The following TENM4 variants were observed in gnomAD, a reference collection of about 807,000 sequenced individuals.
TENM4 encodes the protein teneurin-4.
A neutral mutation model predicts 243.3 loss-of-function variants in TENM4; 82 were observed. The observed-to-expected ratio is 0.34, with a 90% CI of 0.28 to 0.40. TENM4 has a LOEUF of 0.40. Among genes scored for constraint, TENM4 ranks in the 10% least tolerant of loss-of-function variants. The pLI, the probability that TENM4 is intolerant of heterozygous loss-of-function variation, is 1.00. For missense variants in TENM4, 3,138 were observed against 3,673.3 expected (o/e 0.85, Z 3.77); for synonymous variants, 1,412 against 1,456.3 (o/e 0.97, Z 0.69).
Position 79,410,286 on chromosome 11 carries a change from T to C in TENM4, c.-321+30223A>G, listed in dbSNP as rs143523940. Among the ~76,000 whole-genome samples the C allele has an allele frequency of 8.9e-3, 1,354 of 152,288 alleles. 12 individuals carry two copies. Among genetic ancestry groups the C allele is most frequent in the Non-Finnish European group, 0.016 (1,074 of 68,022 alleles). ...TCAGGGCTTTAGGAAGAACCCAAACTAAGACAATATCTAAGGTCCCCAGCA... is the reference window on the plus strand; with the variant it reads ...TCAGGGCTTTAGGAAGAACCCAAACCAAGACAATATCTAAGGTCCCCAGCA... On this transcript the variant is annotated intron_variant, in intron 1 of 33. Transcript: ENST00000278550.
At chr11:78,927,454 A>T (rs979866910) in intron 6 of TENM4, among the ~76,000 whole-genome samples, 1 of 152,252 alleles carries the variant, frequency 6.6e-6, no homozygotes, top group African/African-American at 2.4e-5. Flanking sequence ...TTGCTAAGGG[A>T]TGTAAATGAG....
At chr11:78,664,543 G>A (rs1858104518) in intron 32 of TENM4, among the ~76,000 whole-genome samples, 2 of 152,156 alleles carry the variant, frequency 1.3e-5, no homozygotes, top group Admixed American at 6.5e-5. Flanking sequence ...GTGTTTTGAA[G>A]AATGCAGCTC....
At chr11:78,991,386 G>A (rs1858042002) in intron 6 of TENM4, among the ~76,000 whole-genome samples, 1 of 152,136 alleles carries the variant, frequency 6.6e-6, no homozygotes, top group Non-Finnish European at 1.5e-5. Context: ...GTCTCAGAAA[G>A]GGAGCTTTCT....
chr11:78,678,001 C>T (rs1858527096), intron 29 of TENM4, among the ~76,000 whole-genome samples: 1 of 98,406 alleles, frequency 1.0e-5, no homozygotes, highest in Admixed American at 1.1e-4. Flanking sequence ...TCAATTCCCA[C>T]CTATGAGTGA....
intron 4 of TENM4, among the ~76,000 whole-genome samples, chr11:79,124,435 T>A (rs1340811540): frequency 6.6e-6 from 1 of 152,134 alleles, no homozygotes; most frequent in Non-Finnish European, 1.5e-5. Context: ...AGCCTACATC[T>A]TTCTCCTGTG....
chr11:79,397,663 C>T (rs1394650121), intron 1 of TENM4, among the ~76,000 whole-genome samples: 1 of 152,116 alleles, frequency 6.6e-6, no homozygotes, highest in Non-Finnish European at 1.5e-5. Context: ...GCTTTGTGAG[C>T]CAGGAAGGCA....
At chr11:78,952,227 C>T (rs1459173360) in intron 6 of TENM4, among the ~76,000 whole-genome samples, 1 of 152,216 alleles carries the variant, frequency 6.6e-6, no homozygotes, top group East Asian at 1.9e-4. Flanking sequence ...GAAAGACCTT[C>T]CCTATTTTCA....
chr11:79,001,171 T>C (rs1858313801), intron 6 of TENM4, among the ~76,000 whole-genome samples: 1 of 152,232 alleles, frequency 6.6e-6, no homozygotes, highest in Admixed American at 6.5e-5. Flanking sequence ...ATAGGAAACA[T>C]ACTTTAGATT....
At chr11:78,967,025 C>T (rs1488167101) in intron 6 of TENM4, among the ~76,000 whole-genome samples, 1 of 152,166 alleles carries the variant, frequency 6.6e-6, no homozygotes, top group African/African-American at 2.4e-5. Flanking sequence ...CACTTCCTTT[C>T]CTCTTCCTTC....
chr11:78,735,921 C>T (rs1247139824), intron 20 of TENM4, among the ~76,000 whole-genome samples: 1 of 143,720 alleles, frequency 7.0e-6, no homozygotes, highest in Non-Finnish European at 1.5e-5. Context: ...CTCCCTTTCT[C>T]TCTTTTCTCT....
At position 79,246,016 on chromosome 11, in the gene TENM4, TGAGAGAGAAAAAGA is replaced by T. The variant is rs1163687372; in HGVS notation, c.-264-30121_-264-30108del. On this transcript the variant is annotated intron_variant, in intron 2 of 33. Coordinates refer to ENST00000278550, the MANE Select transcript of TENM4 (RefSeq NM_001098816.3). Reference sequence around the variant, plus strand: ...TCCTAAATCTAAAAGAGAGAGTGAGTGAGAGAGAAAAAGAGAGAGAGAAAGACAAACAGCGCAAG... The same window carrying T: ...TCCTAAATCTAAAAGAGAGAGTGAGTGAGAGAGAAAGACAAACAGCGCAAG... 6.9e-4 allele frequency among the ~76,000 whole-genome samples: 78 copies of T among 113,282 alleles called. 1 individual carries two copies. Among genetic ancestry groups the T allele is most frequent in the African/African-American group, 2.4e-3 (69 of 28,888 alleles). The allele number at this position is 113,282 out of a possible 152,430, so 74.3% of individuals were successfully genotyped here.
At chr11:78,811,569 A>AACACACACACACAC (rs749041202) in intron 14 of TENM4, among the ~76,000 whole-genome samples, 3 of 65,032 alleles carry the variant, frequency 4.6e-5, no homozygotes, top group African/African-American at 1.2e-4. Flanking sequence ...CATACACATG[A>AACACACACACACAC]ACACACACAC....
intron 1 of TENM4, among the ~76,000 whole-genome samples, chr11:79,308,855 C>T (rs139163107): frequency 1.3e-5 from 2 of 152,194 alleles, no homozygotes; most frequent in African/African-American, 4.8e-5. Context: ...ACCACACCCA[C>T]TTTTGCAAGC....
At chr11:79,116,712 C>A (rs1187758598) in intron 4 of TENM4, among the ~76,000 whole-genome samples, 1 of 152,188 alleles carries the variant, frequency 6.6e-6, no homozygotes, top group Non-Finnish European at 1.5e-5. Flanking sequence ...TACTGTTTAG[C>A]AAATCTGTGG....
intron 6 of TENM4, among the ~76,000 whole-genome samples, chr11:79,027,322 C>T (rs1387359492): frequency 1.3e-5 from 2 of 152,164 alleles, no homozygotes; most frequent in Non-Finnish European, 2.9e-5. Flanking sequence ...CTTAGAGATC[C>T]TAAGTCCTGA....
chr11:78,954,777 C>T (rs1231870491), intron 6 of TENM4, among the ~76,000 whole-genome samples: 1 of 152,220 alleles, frequency 6.6e-6, no homozygotes, highest in African/African-American at 2.4e-5. Flanking sequence ...TTTAAAGGAA[C>T]ATAAATAACC....
intron 1 of TENM4, among the ~76,000 whole-genome samples, chr11:79,390,059 G>T (rs79406027): frequency 0.085 from 12,993 of 152,272 alleles, 593 homozygotes; most frequent in Non-Finnish European, 0.11. Flanking sequence ...GGGAGGCCAG[G>T]GAAGCAGCCA....
intron 6 of TENM4, among the ~76,000 whole-genome samples, chr11:79,037,800 C>T (rs1313559178): frequency 6.6e-6 from 1 of 152,100 alleles, no homozygotes; most frequent in Non-Finnish European, 1.5e-5. Flanking sequence ...ATGTAACGGT[C>T]AAGGGAACTA....
intron 28 of TENM4, among the ~76,000 whole-genome samples, chr11:78,695,501 C>G (rs1459597436): frequency 1.3e-5 from 2 of 151,972 alleles, no homozygotes; most frequent in Non-Finnish European, 2.9e-5. Flanking sequence ...GTAGCTGGGA[C>G]TACAGGTGCG....
Sources: gnomAD v4.1 joint callset for allele counts (sites outside exome capture counted in the v4.1 genomes callset) on GRCh38, gnomAD v4.1.1 for gene constraint, MANE v1.5 for transcripts, NCBI Gene and HGNC (gene_info 2026-07-23, HGNC 2026-07-21) for gene names.